The following ACOXL variants were observed in gnomAD, a reference collection of about 807,000 sequenced individuals.
ACOXL encodes acyl-coenzyme A oxidase-like protein.
In ACOXL, 70 loss-of-function variants were observed where a neutral mutation model predicts 71.9. That is an observed-to-expected ratio of 0.97 (90% CI 0.80 to 1.19). The LOEUF (loss-of-function observed/expected upper bound fraction) is 1.19. Ranked by LOEUF, ACOXL falls within the 50% of genes most tolerant of loss-of-function variation. The probability of loss-of-function intolerance (pLI) is 0.00; values close to 1 mark genes in which losing one functional copy is unlikely to be tolerated. For synonymous variants in ACOXL, 253 were observed against 281.6 expected, an observed-to-expected ratio of 0.90 and a Z score of 1.02; for missense variants, 703 against 736.3, an observed-to-expected ratio of 0.95 and a Z score of 0.52.
chr2:110,958,045 G>A (rs370116177), intron 12 of ACOXL, among the ~76,000 whole-genome samples: 10 of 105,150 alleles, frequency 9.5e-5, no homozygotes, highest in South Asian at 3.8e-4. Flanking sequence ...GTGAGACTCC[G>A]TCTCAAAAAA....
chr2:111,054,279 G>A (rs1404314097), intron 16 of ACOXL, among the ~76,000 whole-genome samples: 2 of 152,188 alleles, frequency 1.3e-5, no homozygotes, highest in Admixed American at 6.5e-5. Context: ...GCAACCTTTG[G>A]CAGGGCTGTC....
intron 14 of ACOXL, among the ~76,000 whole-genome samples, chr2:110,997,171 T>C (rs924359948): frequency 2.6e-5 from 4 of 152,060 alleles, no homozygotes; most frequent in African/African-American, 7.2e-5. Context: ...TCGAAGACTA[T>C]AGAAGAAAAG....
chr2:110,913,100 A>G (rs1574093181), intron 11 of ACOXL, among the ~76,000 whole-genome samples: 2 of 152,234 alleles, frequency 1.3e-5, no homozygotes, highest in South Asian at 4.1e-4. Flanking sequence ...GAAAAAGATG[A>G]TAACAAGTGT....
chr2:110,787,317 A>G (rs938127463), intron 3 of ACOXL, among the ~76,000 whole-genome samples: 3 of 152,062 alleles, frequency 2.0e-5, no homozygotes, highest in African/African-American at 7.2e-5. Flanking sequence ...GGCGGATCAC[A>G]AGGTCAGGAG....
At chr2:110,978,677 T>A (rs2062567146) in intron 12 of ACOXL, among the ~76,000 whole-genome samples, 1 of 152,136 alleles carries the variant, frequency 6.6e-6, no homozygotes, top group East Asian at 1.9e-4. Flanking sequence ...AAACATAAGG[T>A]GTTTATATCT....
intron 17 of ACOXL, among the ~76,000 whole-genome samples, chr2:111,110,199 C>G (rs1272718415): frequency 6.6e-6 from 1 of 151,972 alleles, no homozygotes; most frequent in African/African-American, 2.4e-5. Context: ...TTTCTTTTGT[C>G]TGGTGGTTAG....
chr2:110,953,268 C>G (rs2061388383), intron 12 of ACOXL, among the ~76,000 whole-genome samples: 1 of 151,744 alleles, frequency 6.6e-6, no homozygotes, highest in South Asian at 2.1e-4. Flanking sequence ...CTACCATACA[C>G]TAGTGGCTTT....
chr2:111,005,074 G>T (rs1203154646), intron 14 of ACOXL, among the ~76,000 whole-genome samples: 1 of 152,198 alleles, frequency 6.6e-6, no homozygotes, highest in African/African-American at 2.4e-5. Context: ...CAAATGGAAG[G>T]ATGAGAATAC....
At chr2:110,846,995 G>C (rs1209794160) in intron 10 of ACOXL, among the ~76,000 whole-genome samples, 1 of 152,148 alleles carries the variant, frequency 6.6e-6, no homozygotes, top group East Asian at 1.9e-4. Context: ...TTTTTGTAAA[G>C]TCAAGCCATT....
At chr2:110,973,884 G>A (rs771727676) in intron 12 of ACOXL, among the ~76,000 whole-genome samples, 18 of 152,238 alleles carry the variant, frequency 1.2e-4, no homozygotes, top group Admixed American at 2.6e-4. Flanking sequence ...TGGCCAGGCA[G>A]TGCTTGGTCC....
intron 1 of ACOXL, among the ~76,000 whole-genome samples, chr2:110,737,931 G>A (rs1389603333): frequency 6.6e-6 from 1 of 152,228 alleles, no homozygotes. Flanking sequence ...CCTGTTGAGA[G>A]GTGTGGTTTG....
chr2:111,008,846 A>G (rs978723186), intron 14 of ACOXL, among the ~76,000 whole-genome samples: 4 of 152,154 alleles, frequency 2.6e-5, no homozygotes, highest in Non-Finnish European at 5.9e-5. Context: ...TCTAATTATG[A>G]GTGCTTTTGA....
chr2:111,066,196 T>G (rs1276727298), intron 16 of ACOXL, among the ~76,000 whole-genome samples: 1 of 152,226 alleles, frequency 6.6e-6, no homozygotes, highest in Non-Finnish European at 1.5e-5. Context: ...TATATATTCT[T>G]TTGCAATGAG....
intron 9 of ACOXL, among the ~76,000 whole-genome samples, chr2:110,838,603 A>G (rs996120597): frequency 6.6e-6 from 1 of 152,204 alleles, no homozygotes; most frequent in Non-Finnish European, 1.5e-5. Flanking sequence ...GGAATGAGGA[A>G]GAGCAGGCAT....
intron 5 of ACOXL, among the ~76,000 whole-genome samples, chr2:110,798,037 A>G (rs895531700): frequency 6.6e-6 from 1 of 152,110 alleles, no homozygotes; most frequent in South Asian, 2.1e-4. Context: ...AAAACTGGCA[A>G]CTTATTTTCT....
chr2:110,956,189 G>C (rs2061495368), intron 12 of ACOXL, among the ~76,000 whole-genome samples: 1 of 152,068 alleles, frequency 6.6e-6, no homozygotes, highest in Non-Finnish European at 1.5e-5. Context: ...GCATCTCAAA[G>C]TGCTGGGATT....
At chr2:110,976,436 G>A (rs2062448894) in intron 12 of ACOXL, among the ~76,000 whole-genome samples, 1 of 152,234 alleles carries the variant, frequency 6.6e-6, no homozygotes, top group South Asian at 2.1e-4. Flanking sequence ...AGGTTGCTTT[G>A]AATGTAAAAT....
At chr2:111,010,762 T>C (rs10191949) in intron 14 of ACOXL, among the ~76,000 whole-genome samples, 54,839 of 152,114 alleles carry the variant, frequency 0.36, 10,538 homozygotes, top group African/African-American at 0.48. Context: ...TTAGAAATTG[T>C]ATAGCCAAAG....
chr2:110,967,724 A>G, intron 12 of ACOXL: 1 of 461,208 alleles, frequency 2.2e-6, no homozygotes, highest in Non-Finnish European at 3.9e-6. Context: ...TCAATGGTTA[A>G]CACAACTACT....
Sources: gnomAD v4.1 joint callset for allele counts (sites outside exome capture counted in the v4.1 genomes callset) on GRCh38, gnomAD v4.1.1 for gene constraint, MANE v1.5 for transcripts, NCBI Gene and HGNC (gene_info 2026-07-23, HGNC 2026-07-21) for gene names.